The following PRH1 variants were observed in gnomAD, a reference collection of about 807,000 sequenced individuals.
PRH1 encodes proline rich protein HaeIII subfamily 1, also known as salivary acidic proline-rich phosphoprotein 1/2.
A neutral mutation model predicts 7.9 loss-of-function variants in PRH1; 7 were observed. The ratio of observed to expected loss-of-function variants is 0.89; its 90% CI spans 0.50 to 1.67. PRH1 has a LOEUF of 1.67. Ranked by LOEUF, PRH1 falls within the 40% of genes most tolerant of loss-of-function variation. The probability of loss-of-function intolerance (pLI) is 0.00; values close to 1 mark genes in which losing one functional copy is unlikely to be tolerated. For missense variants in PRH1, 109 were observed against 223.6 expected (o/e 0.49, Z 3.27); for synonymous variants, 45 against 80.8 (o/e 0.56, Z 2.38).
intron 2 of PRH1, among the ~76,000 whole-genome samples, chr12:10,940,737 A>C (rs533326438): frequency 1.4e-3 from 211 of 152,318 alleles, no homozygotes; most frequent in African/African-American, 4.9e-3. Flanking sequence ...TAAAAAAGTA[A>C]GTAAAGTGAG....
chr12:10,956,262 G>A (rs117901142), intron 2 of PRH1, among the ~76,000 whole-genome samples: 2,313 of 152,276 alleles, frequency 0.015, 21 homozygotes, highest in South Asian at 0.031. Context: ...ATACAAGTTT[G>A]GTTAAACACA....
intron 2 of PRH1, chr12:10,932,077 C>A (rs1401700928): frequency 7.8e-6 from 2 of 255,756 alleles, no homozygotes; most frequent in South Asian, 4.2e-5. Context: ...AAAGTGTGAA[C>A]AAAGAAAATG....
intron 1 of PRH1, among the ~76,000 whole-genome samples, chr12:11,143,318 G>A (rs1188916044): frequency 3.3e-5 from 5 of 152,074 alleles, no homozygotes; most frequent in Non-Finnish European, 7.4e-5. Flanking sequence ...GATAGTATTT[G>A]CAAGCCTCAT....
At chr12:11,154,927 A>G (rs1947208328) in intron 1 of PRH1, among the ~76,000 whole-genome samples, 1 of 152,178 alleles carries the variant, frequency 6.6e-6, no homozygotes, top group African/African-American at 2.4e-5. Flanking sequence ...AAAGAGCGAT[A>G]TATTTTCAGT....
intron 2 of PRH1, among the ~76,000 whole-genome samples, chr12:10,914,734 AT>A (rs1425712770): frequency 6.6e-6 from 1 of 152,222 alleles, no homozygotes; most frequent in Non-Finnish European, 1.5e-5. Flanking sequence ...CAGGAAAAAA[AT>A]ATATCAGAAA....
intron 2 of PRH1, among the ~76,000 whole-genome samples, chr12:10,970,156 C>A (rs1158625938): frequency 2.6e-5 from 4 of 152,082 alleles, no homozygotes; most frequent in Non-Finnish European, 5.9e-5. Flanking sequence ...CAAAAACATA[C>A]CCAAAGATTA....
intron 2 of PRH1, among the ~76,000 whole-genome samples, chr12:10,933,524 A>C (rs1362143453): frequency 2.0e-5 from 3 of 152,060 alleles, no homozygotes; most frequent in African/African-American, 7.2e-5. Flanking sequence ...ATATGAGTTA[A>C]ATGACCAAGC....
In PRH1 at chr12:11,027,914, G is replaced by A. The variant is rs2418279; in HGVS notation, c.-126+19106C>T. ...TAATCCAAGCATAGAGTCCCTCTAA[G>A]CACAAGTCCCTATAAGCACAAAACC... On this transcript the variant is annotated intron_variant, in intron 1 of 3. Transcript: ENST00000539853. Among the ~76,000 whole-genome samples, 1,250 of 152,292 alleles carry A rather than the reference G, an allele frequency of 8.2e-3. 7 individuals carry two copies. Among genetic ancestry groups the A allele is most frequent in the Middle Eastern group, 0.014 (4 of 294 alleles).
intron 2 of PRH1, among the ~76,000 whole-genome samples, chr12:10,935,406 G>T (rs1162541547): frequency 2.0e-5 from 3 of 152,018 alleles, no homozygotes; most frequent in African/African-American, 7.2e-5. Context: ...ATACTTAACT[G>T]AAAATATCCA....
chr12:11,134,563 T>C (rs1002078715), intron 1 of PRH1: 5 of 296,616 alleles, frequency 1.7e-5, no homozygotes, highest in Non-Finnish European at 2.5e-5. Flanking sequence ...TCTCATTTGC[T>C]AGTATGCAAA....
intron 1 of PRH1, chr12:11,061,898 G>C: frequency 1.2e-6 from 2 of 1,613,190 alleles, no homozygotes; most frequent in Non-Finnish European, 1.7e-6. Context: ...GGCCCCAATA[G>C]TATCACCAGA....
chr12:10,997,331 A>G (rs1239362855), intron 1 of PRH1: 1 of 1,614,104 alleles, frequency 6.2e-7, no homozygotes, highest in Admixed American at 1.7e-5. Context: ...CAAGTTTGCT[A>G]GCATGGCTAC....
chr12:10,919,220 C>T (rs1441095814), intron 2 of PRH1, among the ~76,000 whole-genome samples: 1 of 152,098 alleles, frequency 6.6e-6, no homozygotes, highest in Non-Finnish European at 1.5e-5. Flanking sequence ...TTTTTCTTCA[C>T]ATATTTAAGA....
At chr12:10,995,625 TTTAAAG>T (rs1940185454) in intron 1 of PRH1, among the ~76,000 whole-genome samples, 1 of 152,158 alleles carries the variant, frequency 6.6e-6, no homozygotes, top group Non-Finnish European at 1.5e-5. Flanking sequence ...TGAGCTTCTT[TTTAAAG>T]TAAGGAAAAT....
chr12:10,939,079 C>T (rs747532948), intron 2 of PRH1: 23 of 1,613,828 alleles, frequency 1.4e-5, no homozygotes, highest in East Asian at 8.9e-5. Flanking sequence ...TCCGATCAAC[C>T]GAAGAGATCT....
chr12:10,928,590 A>G (rs1323994993), intron 2 of PRH1, among the ~76,000 whole-genome samples: 1 of 152,166 alleles, frequency 6.6e-6, no homozygotes, highest in African/African-American at 2.4e-5. Context: ...TACAGCACCA[A>G]CGCTTGCCTG....
At chr12:11,011,615 T>A (rs1941072659) in intron 1 of PRH1, among the ~76,000 whole-genome samples, 1 of 152,154 alleles carries the variant, frequency 6.6e-6, no homozygotes, top group East Asian at 1.9e-4. Flanking sequence ...CTACATTGGA[T>A]GTCTAAACTG....
At chr12:11,023,404 G>A (rs910616178) in intron 1 of PRH1, among the ~76,000 whole-genome samples, 2 of 152,004 alleles carry the variant, frequency 1.3e-5, no homozygotes, top group Non-Finnish European at 2.9e-5. Context: ...TCAAGCTTAG[G>A]CCTTTGGTAT....
upstream of PRH1, chr12:11,048,702 G>C (rs950332268): frequency 6.6e-6 from 3 of 453,674 alleles, no homozygotes; most frequent in African/African-American, 6.1e-5. Flanking sequence ...TGCAGGGTGT[G>C]ACGTTTGCTG....
Sources: gnomAD v4.1 joint callset for allele counts (sites outside exome capture counted in the v4.1 genomes callset) on GRCh38, gnomAD v4.1.1 for gene constraint, MANE v1.5 for transcripts, NCBI Gene and HGNC (gene_info 2026-07-23, HGNC 2026-07-21) for gene names.